Variants in LTB4R observed in about 807,000 individuals in gnomAD.
LTB4R encodes leukotriene B4 receptor, also known as leukotriene B4 receptor 1.
For synonymous variants in LTB4R, 250 were observed against 230.7 expected (o/e 1.08, Z -0.76); for missense variants, 470 against 485.6 (o/e 0.97, Z 0.30).
rs538859122 is a variant in LTB4R at position 24,311,635 on chromosome 14, C to T, written c.-185C>T. 1.9e-6 allele frequency: 3 copies of T among 1,613,404 alleles called. No individual in the cohort carries two copies. Among genetic ancestry groups the T allele is most frequent in the East Asian group, 4.5e-5 (2 of 44,876 alleles). Reference sequence around the variant, plus strand: ...GGGGGCGGCCGCTCTAGGGAAGGGACCATGGAGCTCCGAACTACCCCTCAG... The same window carrying T: ...GGGGGCGGCCGCTCTAGGGAAGGGATCATGGAGCTCCGAACTACCCCTCAG... On this transcript the variant is annotated 5_prime_UTR_variant, in exon 1 of 2. Coordinates refer to ENST00000345363, the MANE Select transcript of LTB4R (RefSeq NM_001143919.3).
At chr14:24,315,567 A>T in intron 1 of LTB4R, 70 bp from the exon 2 acceptor site, 1 of 958,732 alleles carries the variant, frequency 1.0e-6, no homozygotes, top group Non-Finnish European at 1.6e-6. Flanking sequence ...TTCTCAGCCT[A>T]GGTGTGTCCA....
At position 24,311,697 on chromosome 14, in the gene LTB4R, C is replaced by T; in HGVS notation, c.-123C>T. ...GGGGCAGGGCCGCGGCAATGGAGACCCGGGGGGTGGGATGGAGAAGGACGG... is the reference window on the plus strand; with the variant it reads ...GGGGCAGGGCCGCGGCAATGGAGACTCGGGGGGTGGGATGGAGAAGGACGG... On this transcript the variant is annotated 5_prime_UTR_variant, in exon 1 of 2. Transcript: ENST00000345363. The T allele has an allele frequency of 6.2e-7, 1 of 1,606,466 alleles. No homozygotes were observed. Among genetic ancestry groups the T allele is most frequent in the Non-Finnish European group, 8.5e-7 (1 of 1,175,098 alleles).
At chr14:24,314,598 C>T (rs2041752943) in intron 1 of LTB4R, 1 of 152,382 alleles carries the variant, frequency 6.6e-6, no homozygotes, top group Non-Finnish European at 1.5e-5. Context: ...TACCATACCT[C>T]CTTCTCCTAT....
chr14:24,315,877 C>G lies in LTB4R; in HGVS notation c.226C>G (p.His76Asp), dbSNP rs1471960714. Residue 76 changes from histidine to aspartate, a missense_variant, in exon 2 of 2, where the codon CAC (histidine) becomes GAC (aspartate). Transcript: ENST00000345363. ...ATTGCTCACTGCTCCCTTTTTCCTTCACTTCCTGGCCCAAGGCACCTGGAG... is the reference window on the plus strand; with the variant it reads ...ATTGCTCACTGCTCCCTTTTTCCTTGACTTCCTGGCCCAAGGCACCTGGAG... Reference protein sequence around the residue: ...AVLLTAPFFLHFLAQGTWSFG... With the variant: ...AVLLTAPFFLDFLAQGTWSFG... 6.2e-7 allele frequency: 1 copy of G among 1,614,200 alleles called. No homozygotes were observed. Among genetic ancestry groups the G allele is most frequent in the Non-Finnish European group, 8.5e-7 (1 of 1,180,032 alleles).
Position 24,311,670 on chromosome 14 carries a change from G to A in LTB4R, c.-150G>A. 6.2e-7 allele frequency: 1 copy of A among 1,612,242 alleles called. No individual in the cohort carries two copies. The highest frequency in any genetic ancestry group is 8.5e-7 in the Non-Finnish European group (1 of 1,178,992). On this transcript the variant is annotated 5_prime_UTR_variant, in exon 1 of 2. It adds an upstream start codon to the 5' untranslated region. Transcript: ENST00000345363. ...CCGAACTACCCCTCAGCTGAAAGTGGTGGGGCAGGGCCGCGGCAATGGAGA... is the reference window on the plus strand; with the variant it reads ...CCGAACTACCCCTCAGCTGAAAGTGATGGGGCAGGGCCGCGGCAATGGAGA...
In LTB4R at chr14:24,311,992, A is replaced by G. The variant is rs1045911898; in HGVS notation, c.-16+188A>G. Reference sequence around the variant, plus strand: ...ATGTACCCATGTGCCAGCATTGCTTACTTGTTGCCAATAGCTGTTATTGTG... The same window carrying G: ...ATGTACCCATGTGCCAGCATTGCTTGCTTGTTGCCAATAGCTGTTATTGTG... On this transcript the variant is annotated intron_variant, in intron 1 of 1. Coordinates refer to ENST00000345363, the MANE Select transcript of LTB4R (RefSeq NM_001143919.3). The G allele has an allele frequency of 2.0e-5, 10 of 492,194 alleles. No individual in the cohort carries two copies. In the South Asian group the frequency reaches 2.1e-4, roughly 10 times the overall value. 30.5% of individuals were successfully genotyped at this position (492,194 alleles called of 1,614,324 possible).
chr14:24,316,162 C>A lies in LTB4R; in HGVS notation c.511C>A (p.Arg171=), dbSNP rs758232083. The change falls in exon 2 of 2, where the codon CGG becomes AGG. Residue 171 remains arginine (R), a synonymous_variant. Coordinates refer to ENST00000345363, the MANE Select transcript of LTB4R (RefSeq NM_001143919.3). The part of the protein sequence containing the change: ...WKTNMSLCFP[R]YPSEGHRAFH... The stretch of plus-strand genomic sequence containing the variant: ...AACGAACATGAGCCTGTGCTTCCCG[C>A]GGTACCCCAGCGAAGGGCACCGGGC... 2.5e-6 allele frequency: 4 copies of A among 1,613,922 alleles called. No homozygotes were observed. In the South Asian group the frequency reaches 3.3e-5, roughly 13 times the overall value.
chr14:24,315,467 C>T (rs1380481459), intron 1 of LTB4R, among the ~76,000 whole-genome samples, 170 bp from the exon 2 acceptor site: 1 of 152,138 alleles, frequency 6.6e-6, no homozygotes, highest in Non-Finnish European at 1.5e-5. Context: ...TGTACTCAAC[C>T]AGATCCCTTT....
rs757898110 is a variant in LTB4R, at chr14:24,315,622, G to T, written c.-15-15G>T. Reference sequence around the variant, plus strand: ...GTCCTCTACTCTCATGCGTGTGTCCGCCCTCACTCTCCAGGTCCTCCCGAC... The same window carrying T: ...GTCCTCTACTCTCATGCGTGTGTCCTCCCTCACTCTCCAGGTCCTCCCGAC... On this transcript the variant is annotated splice_polypyrimidine_tract_variant and intron_variant, in intron 1 of 1. Transcript: ENST00000345363. The T allele has an allele frequency of 5.1e-6, 8 of 1,563,560 alleles. No individual in the cohort carries two copies. The highest frequency in any genetic ancestry group is 7.0e-6 in the Non-Finnish European group (8 of 1,139,636).
In LTB4R at chr14:24,311,745, C is replaced by T. The variant is rs952299146; in HGVS notation, c.-75C>T. ...CGGTCCGGAATGGGACCTTTGACAG[C>T]AGACCCTACAACCTGCTGCCCTTCC... On this transcript the variant is annotated 5_prime_UTR_variant, in exon 1 of 2. Coordinates refer to ENST00000345363, the MANE Select transcript of LTB4R (RefSeq NM_001143919.3). The T allele has an allele frequency of 1.9e-6, 3 of 1,564,372 alleles. No homozygotes were observed. In the African/African-American group the frequency reaches 4.1e-5, roughly 21 times the overall value.
Position 24,315,878 on chromosome 14 carries a change from A to C in LTB4R, c.227A>C (p.His76Pro), listed in dbSNP as rs2041763750. The stretch of plus-strand genomic sequence containing the variant: ...TTGCTCACTGCTCCCTTTTTCCTTC[A>C]CTTCCTGGCCCAAGGCACCTGGAGT... ...AVLLTAPFFL[H>P]FLAQGTWSFG... is the part of the protein sequence containing the mutation. Residue 76 changes from histidine to proline, a missense_variant, in exon 2 of 2, where the codon CAC becomes CCC. Physicochemically the swap from His to Pro is moderately conservative, Grantham distance 77. Coordinates refer to ENST00000345363, the MANE Select transcript of LTB4R (RefSeq NM_001143919.3). 1 of 1,613,548 alleles carries C rather than the reference A, an allele frequency of 6.2e-7. No homozygotes were observed. The highest frequency in any genetic ancestry group is 1.1e-5 in the South Asian group (1 of 91,064).
chr14:24,316,458 G>A lies in LTB4R; in HGVS notation c.807G>A (p.Val269=). ...VGKRLSLARN[V]LIALAFLSSS... ...AGCGGCTGAGCCTGGCCCGCAACGT[G>A]CTCATCGCACTCGCCTTCCTGAGCA... is the stretch of plus-strand genomic sequence containing the variant. Residue 269 remains valine (V), a synonymous_variant, in exon 2 of 2, where the codon GTG becomes GTA. Transcript: ENST00000345363. 1 of 1,567,250 alleles carries A rather than the reference G, an allele frequency of 6.4e-7. No homozygotes were observed.
chr14:24,311,612 G>C lies in LTB4R; in HGVS notation c.-208G>C. ...TCGAAGGCTCTGGGGAGGCCCGAGG[G>C]GGCGGCCGCTCTAGGGAAGGGACCA... On this transcript the variant is annotated 5_prime_UTR_variant, in exon 1 of 2. Coordinates refer to ENST00000345363, the MANE Select transcript of LTB4R (RefSeq NM_001143919.3). 3 of 1,612,892 alleles carry C rather than the reference G, an allele frequency of 1.9e-6. No homozygotes were observed. The highest frequency in any genetic ancestry group is 2.5e-6 in the Non-Finnish European group (3 of 1,180,016).
chr14:24,316,626 T>G lies in LTB4R; in HGVS notation c.975T>G (p.Ala325=). 1 of 1,509,656 alleles carries G rather than the reference T, an allele frequency of 6.6e-7. No homozygotes were observed. Among genetic ancestry groups the G allele is most frequent in the Non-Finnish European group, 8.8e-7 (1 of 1,131,446 alleles). The allele number at this position is 1,509,656 out of a possible 1,614,324, so 93.5% of individuals were successfully genotyped here. The change falls in exon 2 of 2, where the codon GCT becomes GCG. Residue 325 remains alanine (A), a synonymous_variant. Transcript: ENST00000345363. ...TRRGGSLGQT[A]RSGPAALEPG... ...GCGGGGGCAGCCTGGGCCAGACCGC[T>G]AGGAGCGGCCCCGCCGCTCTGGAGC...
chr14:24,312,172 C>T (rs796376128), intron 1 of LTB4R: 1 of 163,640 alleles, frequency 6.1e-6, no homozygotes, highest in Non-Finnish European at 1.3e-5. Context: ...CCCTCCTCAG[C>T]CCAGGTGCCC....
At chr14:24,313,237 AAC>A (rs761387665) in intron 1 of LTB4R, 3 of 152,106 alleles carry the variant, frequency 2.0e-5, no homozygotes, top group Non-Finnish European at 4.4e-5. Context: ...TCTGTCCCCA[AAC>A]ACAGGCCTCA....
intron 1 of LTB4R, chr14:24,314,411 C>T (rs938512700): frequency 1.3e-5 from 2 of 152,236 alleles, no homozygotes; most frequent in Non-Finnish European, 2.9e-5. Context: ...GTGCTGCCCC[C>T]TTCGGCATTT....
chr14:24,311,832 C>T, intron 1 of LTB4R, 28 bp downstream of exon 1: 1 of 1,180,566 alleles, frequency 8.5e-7, no homozygotes. Context: ...TTTGGGGACC[C>T]TTCTTTGACT....
chr14:24,316,944 C>A lies in LTB4R; in HGVS notation c.*234C>A, dbSNP rs2041782144. On this transcript the variant is annotated 3_prime_UTR_variant, in exon 2 of 2. Coordinates refer to ENST00000345363, the MANE Select transcript of LTB4R (RefSeq NM_001143919.3). The stretch of plus-strand genomic sequence containing the variant: ...TTAAAACTGAAGTCTGAAATTTGGT[C>A]AACCTTGTGAGTGGGGTACATGTGC... 2.3e-6 allele frequency: 1 copy of A among 430,094 alleles called. No homozygotes were observed. The highest frequency in any genetic ancestry group is 4.3e-6 in the Non-Finnish European group (1 of 233,930). 26.6% of individuals were successfully genotyped at this position (430,094 alleles called of 1,614,324 possible). A position where few individuals can be genotyped will look rare whatever the true frequency, so the allele number is the denominator to read the frequency against.
Sources: gnomAD v4.1 joint callset for allele counts (sites outside exome capture counted in the v4.1 genomes callset) on GRCh38, gnomAD v4.1.1 for gene constraint, MANE v1.5 for transcripts, NCBI Gene and HGNC (gene_info 2026-07-23, HGNC 2026-07-21) for gene names.